Variants in ACMSD observed in about 807,000 individuals in gnomAD.
The protein encoded by ACMSD is 2-amino-3-carboxymuconate-6-semialdehyde decarboxylase.
Under a neutral mutation model 45.9 loss-of-function variants are expected in ACMSD, and 37 were observed. The ratio of observed to expected loss-of-function variants is 0.81; its 90% CI spans 0.62 to 1.06. ACMSD has a LOEUF of 1.06. ACMSD is among the 50% of genes least tolerant of loss of function. ACMSD has a pLI of 0.00. For synonymous variants in ACMSD, 138 were observed against 148.8 expected (o/e 0.93, Z 0.53); for missense variants, 434 against 420.9 (o/e 1.03, Z -0.27).
At chr2:134,847,457 G>GATATAGATAT (rs371674052) in intron 2 of ACMSD, among the ~76,000 whole-genome samples, 1 of 140,774 alleles carries the variant, frequency 7.1e-6, no homozygotes, top group Non-Finnish European at 1.6e-5. Context: ...GATATAGATA[G>GATATAGATAT]AGATAGAGAT....
intron 2 of ACMSD, among the ~76,000 whole-genome samples, chr2:134,853,167 TAAAAAAAAAAA>T (rs201350282): frequency 9.4e-6 from 1 of 106,560 alleles, no homozygotes; most frequent in Non-Finnish European, 1.9e-5. Flanking sequence ...CATCTCAATC[TAAAAAAAAAAA>T]AAAAAAAAGG....
chr2:134,875,607 G>C (rs912100570), intron 8 of ACMSD, among the ~76,000 whole-genome samples: 1 of 152,188 alleles, frequency 6.6e-6, no homozygotes, highest in Non-Finnish European at 1.5e-5. Flanking sequence ...TACAAAGAAT[G>C]CAGGTTATAG....
chr2:134,848,914 CCT>C (rs1281269699), intron 2 of ACMSD, among the ~76,000 whole-genome samples: 7 of 152,172 alleles, frequency 4.6e-5, no homozygotes, highest in Non-Finnish European at 8.8e-5. Flanking sequence ...CCCATCCTCA[CCT>C]TCTTGTGTGT....
intron 8 of ACMSD, among the ~76,000 whole-genome samples, chr2:134,881,422 T>A (rs947063938): frequency 6.6e-6 from 1 of 152,204 alleles, no homozygotes; most frequent in East Asian, 1.9e-4. Context: ...TTTACAACAA[T>A]AAGCAGAGAT....
At chr2:134,872,423 C>A in intron 7 of ACMSD, 46 bp from the exon 8 acceptor site, 1 of 1,610,146 alleles carries the variant, frequency 6.2e-7, no homozygotes, top group Non-Finnish European at 8.5e-7. Context: ...CTAAAGGAAT[C>A]CTTTACAATC....
intron 8 of ACMSD, among the ~76,000 whole-genome samples, chr2:134,883,187 C>T (rs1176518387): frequency 3.3e-5 from 5 of 151,928 alleles, no homozygotes; most frequent in Admixed American, 6.6e-5. Flanking sequence ...TTGTCAAATG[C>T]TACATTAGCA....
chr2:134,857,394 T>C (rs1215733760), intron 2 of ACMSD, among the ~76,000 whole-genome samples: 1 of 151,838 alleles, frequency 6.6e-6, no homozygotes, highest in African/African-American at 2.4e-5. Context: ...GCCGAGATCA[T>C]ACCACTGCAC....
intron 2 of ACMSD, among the ~76,000 whole-genome samples, chr2:134,858,084 T>C (rs1488882523): frequency 1.3e-5 from 2 of 152,084 alleles, no homozygotes; most frequent in South Asian, 2.1e-4. Flanking sequence ...TGCATTCCCA[T>C]GTTCAATGTA....
chr2:134,859,168 T>C, intron 2 of ACMSD, 93 bp from the exon 3 acceptor site: 2 of 1,018,118 alleles, frequency 2.0e-6, no homozygotes, highest in South Asian at 1.5e-5. Flanking sequence ...TCTTTTCAAA[T>C]ATTAGGGAAG....
Position 134,840,888 on chromosome 2 carries a change from A to G in ACMSD, c.57+2149A>G, listed in dbSNP as rs182745669. ...ACCCAAGCAGTATACACTGCACCCAATTTTAGTCTTTTATCCCTCATCTGC... is the reference window on the plus strand; with the variant it reads ...ACCCAAGCAGTATACACTGCACCCAGTTTTAGTCTTTTATCCCTCATCTGC... On this transcript the variant is annotated intron_variant, in intron 1 of 9. Coordinates refer to ENST00000356140, the MANE Select transcript of ACMSD (RefSeq NM_138326.3). 1.2e-3 allele frequency among the ~76,000 whole-genome samples: 190 copies of G among 152,188 alleles called. 5 individuals carry two copies. The Middle Eastern group carries it at 0.037, about 30-fold the overall frequency.
At chr2:134,849,992 AC>A (rs1201987310) in intron 2 of ACMSD, among the ~76,000 whole-genome samples, 2 of 148,668 alleles carry the variant, frequency 1.3e-5, no homozygotes, top group Non-Finnish European at 3.0e-5. Context: ...ACACACACAC[AC>A]ACACACGTGA....
intron 1 of ACMSD, 53 bp downstream of exon 1, chr2:134,838,792 A>C: frequency 7.2e-7 from 1 of 1,397,506 alleles, no homozygotes; most frequent in Non-Finnish European, 1.0e-6. Context: ...AGGGTTTCTC[A>C]ATGCCTTTCT....
At chr2:134,889,862 A>C (rs181481787) in intron 8 of ACMSD, among the ~76,000 whole-genome samples, 1 of 152,092 alleles carries the variant, frequency 6.6e-6, no homozygotes, top group Admixed American at 6.5e-5. Flanking sequence ...ATAATGAATT[A>C]TAACCAATTG....
chr2:134,883,410 A>G (rs1397877011), intron 8 of ACMSD, among the ~76,000 whole-genome samples: 1 of 152,236 alleles, frequency 6.6e-6, no homozygotes, highest in Non-Finnish European at 1.5e-5. Context: ...AGGCCATATC[A>G]TATGACTCCT....
chr2:134,856,865 T>C (rs985772061), intron 2 of ACMSD, among the ~76,000 whole-genome samples: 10 of 152,090 alleles, frequency 6.6e-5, no homozygotes, highest in South Asian at 4.1e-4. Flanking sequence ...CAAATTGCTT[T>C]GACTATTTGA....
intron 3 of ACMSD, 34 bp from the exon 4 acceptor site, chr2:134,861,935 C>T (rs771552596): frequency 9.3e-6 from 15 of 1,613,476 alleles, no homozygotes; most frequent in Admixed American, 3.3e-5. Flanking sequence ...CTATTCTTCT[C>T]ACCAGCTTTG....
intron 8 of ACMSD, among the ~76,000 whole-genome samples, chr2:134,893,651 G>A (rs1453755929): frequency 1.3e-5 from 2 of 151,960 alleles, no homozygotes; most frequent in East Asian, 1.9e-4. Context: ...CATAAACCAC[G>A]GAGGCCAGAA....
chr2:134,901,651 G>A (rs1690507799), intron 9 of ACMSD, 147 bp from the exon 10 acceptor site: 2 of 464,796 alleles, frequency 4.3e-6, no homozygotes, highest in East Asian at 3.4e-5. Flanking sequence ...TAGGTCAAGA[G>A]GATTTTGGTA....
chr2:134,871,165 TAG>T (rs1688416991), intron 7 of ACMSD, 105 bp downstream of exon 7: 2 of 1,044,356 alleles, frequency 1.9e-6, no homozygotes, highest in Admixed American at 4.4e-5. Context: ...TCCTGGAGGC[TAG>T]AAGTCCAAGA....
Sources: gnomAD v4.1 joint callset for allele counts (sites outside exome capture counted in the v4.1 genomes callset) on GRCh38, gnomAD v4.1.1 for gene constraint, MANE v1.5 for transcripts, NCBI Gene and HGNC (gene_info 2026-07-23, HGNC 2026-07-21) for gene names.